DRC11: variants seen among roughly 807,000 people sequenced by gnomAD.
The protein encoded by DRC11 is dynein regulatory complex subunit 11.
the DRC11 span, among the ~76,000 whole-genome samples, chr2:236,416,239 G>A: frequency 1.8e-3 from 275 of 152,292 alleles, 2 homozygotes; most frequent in African/African-American, 6.0e-3. Context: ...AGAACCCTTG[G>A]AGTTGTCCAG....
the DRC11 span, chr2:236,344,598 CTG>C: frequency 1.4e-5 from 23 of 1,613,680 alleles, no homozygotes; most frequent in African/African-American, 2.4e-4. Flanking sequence ...AAGGTTTTTT[CTG>C]TGTCTTCAAT....
the DRC11 span, chr2:236,465,464 A>G: frequency 3.3e-6 from 5 of 1,536,804 alleles, no homozygotes; most frequent in Non-Finnish European, 4.5e-6. The surrounding 1 kb of genome is among the most constrained non-coding windows in gnomAD (Gnocchi z 6.2). Context: ...CTCAGCCACT[A>G]AAGAACAGAC....
chr2:236,331,672 A>G, the DRC11 span: 46 of 1,086,794 alleles, frequency 4.2e-5, no homozygotes, highest in Non-Finnish European at 6.3e-5. This position sits in a 1 kb window ranked among gnomAD's most constrained non-coding sequence, Gnocchi z 4.8. Flanking sequence ...TCTCGGTTGA[A>G]AGTTGCATCT....
At chr2:236,355,109 C>T in the DRC11 span, among the ~76,000 whole-genome samples, 2 of 152,338 alleles carry the variant, frequency 1.3e-5, no homozygotes, top group African/African-American at 2.4e-5. Context: ...TCTGGTTTGA[C>T]GTGGCCTCCC....
At chr2:236,357,371 T>G in the DRC11 span, among the ~76,000 whole-genome samples, 1 of 113,930 alleles carries the variant, frequency 8.8e-6, no homozygotes, top group Admixed American at 9.6e-5. Context: ...ATTATAAATA[T>G]ATTTATATAG....
chr2:236,503,748 C>A, the DRC11 span: 3 of 1,501,810 alleles, frequency 2.0e-6, no homozygotes, highest in Non-Finnish European at 2.7e-6. This position sits in a 1 kb window ranked among gnomAD's most constrained non-coding sequence, Gnocchi z 4.9. Context: ...GTGACCACAC[C>A]CCCTCCCACA....
At chr2:236,357,654 T>TAAA in the DRC11 span, among the ~76,000 whole-genome samples, 102 of 124,340 alleles carry the variant, frequency 8.2e-4, no homozygotes, top group African/African-American at 3.2e-3. Flanking sequence ...ATATATAAAT[T>TAAA]ATATTCATAA....
chr2:236,371,897 G>A, the DRC11 span, among the ~76,000 whole-genome samples: 1 of 152,004 alleles, frequency 6.6e-6, no homozygotes, highest in Non-Finnish European at 1.5e-5. This position sits in a 1 kb window ranked among gnomAD's most constrained non-coding sequence, Gnocchi z 5.1. Flanking sequence ...AAAGTCTGAG[G>A]GTAATCTAAT....
the DRC11 span, among the ~76,000 whole-genome samples, chr2:236,504,427 C>T: frequency 2.0e-5 from 3 of 152,096 alleles, no homozygotes; most frequent in South Asian, 2.1e-4. The surrounding 1 kb of genome is among the most constrained non-coding windows in gnomAD (Gnocchi z 5.0). Flanking sequence ...CGAGTTTCTG[C>T]GTGGAAATAT....
the DRC11 span, among the ~76,000 whole-genome samples, chr2:236,327,136 C>G: frequency 1.3e-5 from 2 of 152,156 alleles, no homozygotes; most frequent in African/African-American, 4.8e-5. Flanking sequence ...AATACAGAAC[C>G]AGGTCTTATA....
At chr2:236,478,500 G>C in the DRC11 span, among the ~76,000 whole-genome samples, 1 of 152,164 alleles carries the variant, frequency 6.6e-6, no homozygotes, top group Non-Finnish European at 1.5e-5. This position sits in a 1 kb window ranked among gnomAD's most constrained non-coding sequence, Gnocchi z 5.9. Context: ...AGCAAAATGT[G>C]TATTCTGCAG....
At chr2:236,453,924 G>A in the DRC11 span, among the ~76,000 whole-genome samples, 1 of 152,150 alleles carries the variant, frequency 6.6e-6, no homozygotes, top group Non-Finnish European at 1.5e-5. This position sits in a 1 kb window ranked among gnomAD's most constrained non-coding sequence, Gnocchi z 4.9. Flanking sequence ...TTACAGGCAT[G>A]AGCCACCGTG....
chr2:236,326,552 TTC>T, the DRC11 span, among the ~76,000 whole-genome samples: 4 of 152,186 alleles, frequency 2.6e-5, no homozygotes, highest in Non-Finnish European at 5.9e-5. Flanking sequence ...TAAGCTTTCT[TTC>T]TTTTTCTTTG....
chr2:236,426,692 C>A, the DRC11 span, among the ~76,000 whole-genome samples: 4 of 152,178 alleles, frequency 2.6e-5, no homozygotes, highest in African/African-American at 9.7e-5. The surrounding 1 kb of genome is among the most constrained non-coding windows in gnomAD (Gnocchi z 4.1). Flanking sequence ...CAGGCGTGAG[C>A]CACCGTGCCC....
the DRC11 span, among the ~76,000 whole-genome samples, chr2:236,464,940 A>G: frequency 6.6e-6 from 1 of 152,204 alleles, no homozygotes; most frequent in East Asian, 1.9e-4. Flanking sequence ...GGCAAACAGG[A>G]GCAGATACCA....
the DRC11 span, among the ~76,000 whole-genome samples, chr2:236,358,029 AATAT>A: frequency 1.0e-4 from 12 of 118,980 alleles, no homozygotes; most frequent in African/African-American, 3.1e-4. Context: ...ATATAATATG[AATAT>A]ATATTTATAA....
At chr2:236,358,146 T>TATATA in the DRC11 span, among the ~76,000 whole-genome samples, 11 of 123,824 alleles carry the variant, frequency 8.9e-5, no homozygotes, top group Non-Finnish European at 1.6e-4. Context: ...AATATATAAA[T>TATATA]AGATATATAC....
At chr2:236,478,005 T>TG in the DRC11 span, among the ~76,000 whole-genome samples, 35 of 146,896 alleles carry the variant, frequency 2.4e-4, no homozygotes, top group African/African-American at 9.1e-4. This position sits in a 1 kb window ranked among gnomAD's most constrained non-coding sequence, Gnocchi z 5.9. Context: ...TTTTGTTGAT[T>TG]TGTGTGTGTG....
At chr2:236,396,556 C>T in the DRC11 span, among the ~76,000 whole-genome samples, 1 of 152,120 alleles carries the variant, frequency 6.6e-6, no homozygotes, top group Non-Finnish European at 1.5e-5. Context: ...GGACAGTTTT[C>T]AGAGCTTTTG....
Sources: gnomAD v4.1 joint callset for allele counts (sites outside exome capture counted in the v4.1 genomes callset) on GRCh38, gnomAD v4.1.1 for gene constraint, Gnocchi (gnomAD v3.1) non-coding constraint, MANE v1.5 for transcripts, NCBI Gene and HGNC (gene_info 2026-07-23, HGNC 2026-07-21) for gene names.